ECHDC3: variants seen among roughly 807,000 people sequenced by gnomAD.
ECHDC3 encodes enoyl-CoA hydratase domain containing 3.
Under a neutral mutation model 17.9 loss-of-function variants are expected in ECHDC3, and 20 were observed. That is an observed-to-expected ratio of 1.12 (90% CI 0.79 to 1.63). ECHDC3 has a LOEUF of 1.63. ECHDC3 is among the 40% of genes most tolerant of loss of function. ECHDC3 has a pLI of 0.00. For missense variants in ECHDC3, 407 were observed against 357.7 expected, an observed-to-expected ratio of 1.14 and a Z score of -1.11; for synonymous variants, 177 against 149.7, an observed-to-expected ratio of 1.18 and a Z score of -1.33.
At chr10:11,746,637 T>C (rs1321334645) in intron 1 of ECHDC3, among the ~76,000 whole-genome samples, 4 of 151,868 alleles carry the variant, frequency 2.6e-5, no homozygotes, top group Non-Finnish European at 5.9e-5. Context: ...CCCACAAAAA[T>C]TAAATATAAA....
chr10:11,762,293 G>A (rs1009478707), intron 4 of ECHDC3, among the ~76,000 whole-genome samples: 5 of 152,204 alleles, frequency 3.3e-5, no homozygotes, highest in Non-Finnish European at 7.4e-5. Context: ...ATGAGGGCGT[G>A]TGCCAGGATG....
Position 11,755,551 on chromosome 10 carries a change from C to G in ECHDC3, c.534C>G (p.Asn178Lys). Residue 178 changes from asparagine to lysine, a missense_variant, in exon 4 of 5, where the codon AAC becomes AAG. By Grantham distance (94) the Asn-to-Lys change is moderately conservative. Coordinates refer to ENST00000379215, the MANE Select transcript of ECHDC3 (RefSeq NM_024693.5). The part of the protein sequence containing the change: ...DKSSFATPGV[N>K]VGLFCSTPGV... ...CCTCTTTTGCCACTCCTGGGGTGAA[C>G]GTCGGGCTCTTCTGTTCTACCCCTG... The G allele has an allele frequency of 6.2e-7, 1 of 1,614,068 alleles. No homozygotes were observed. The highest frequency in any genetic ancestry group is 1.1e-5 in the South Asian group (1 of 91,054).
rs767190106 is a variant in ECHDC3 at position 11,747,346 on chromosome 10, C to G, written c.171-3C>G. Reference sequence around the variant, plus strand: ...CCCTGTGATTGTAAAATGTTCTTCACAGGAACATCGTCTTGAGCAATCCCA... The same window carrying G: ...CCCTGTGATTGTAAAATGTTCTTCAGAGGAACATCGTCTTGAGCAATCCCA... On this transcript the variant is annotated splice_region_variant and splice_polypyrimidine_tract_variant and intron_variant, in intron 1 of 4. Coordinates refer to ENST00000379215, the MANE Select transcript of ECHDC3 (RefSeq NM_024693.5). 6.2e-7 allele frequency: 1 copy of G among 1,613,582 alleles called. No homozygotes were observed. Among genetic ancestry groups the G allele is most frequent in the Non-Finnish European group, 8.5e-7 (1 of 1,179,700 alleles).
At chr10:11,758,850 T>C (rs550186920) in intron 4 of ECHDC3, among the ~76,000 whole-genome samples, 3 of 152,344 alleles carry the variant, frequency 2.0e-5, no homozygotes, top group African/African-American at 7.2e-5. Context: ...GGCCTGACTC[T>C]TTCCGTAGTG....
intron 2 of ECHDC3, among the ~76,000 whole-genome samples, chr10:11,748,715 A>C (rs1011994091): frequency 6.6e-6 from 1 of 152,132 alleles, no homozygotes; most frequent in Non-Finnish European, 1.5e-5. Context: ...GCAAAACCCC[A>C]TCTCTACCAA....
At chr10:11,757,132 C>G (rs1045320233) in intron 4 of ECHDC3, among the ~76,000 whole-genome samples, 2 of 152,224 alleles carry the variant, frequency 1.3e-5, no homozygotes, top group Non-Finnish European at 2.9e-5. Context: ...AATCAACTTA[C>G]AAGGCCTTTG....
At chr10:11,756,328 G>T (rs530812446) in intron 4 of ECHDC3, among the ~76,000 whole-genome samples, 1 of 152,272 alleles carries the variant, frequency 6.6e-6, no homozygotes, top group East Asian at 1.9e-4. Flanking sequence ...TGCGGAAAAA[G>T]TGCATCCTTG....
chr10:11,755,425 G>A lies in ECHDC3; in HGVS notation c.408G>A (p.Arg136=). The change falls in exon 4 of 5, where the codon CGG becomes CGA. Residue 136 remains arginine, a synonymous_variant. Coordinates refer to ENST00000379215, the MANE Select transcript of ECHDC3 (RefSeq NM_024693.5). ...QTCSKVMMHI[R]NHPVPVIAMV... is the part of the protein sequence containing the mutation. Reference sequence around the variant, plus strand: ...TCCCGCAGGTCATGATGCACATCCGGAACCACCCCGTTCCCGTCATTGCCA... The same window carrying A: ...TCCCGCAGGTCATGATGCACATCCGAAACCACCCCGTTCCCGTCATTGCCA... 1 of 1,612,564 alleles carries A rather than the reference G, an allele frequency of 6.2e-7. No individual in the cohort carries two copies. Among genetic ancestry groups the A allele is most frequent in the Non-Finnish European group, 8.5e-7 (1 of 1,178,864 alleles).
intron 4 of ECHDC3, among the ~76,000 whole-genome samples, chr10:11,759,508 ACT>A (rs1251670567): frequency 6.6e-6 from 1 of 151,566 alleles, no homozygotes; most frequent in Non-Finnish European, 1.5e-5. Flanking sequence ...CTCACCTTGA[ACT>A]CTCCAGCCTC....
intron 3 of ECHDC3, among the ~76,000 whole-genome samples, chr10:11,750,629 G>A (rs537323900): frequency 6.6e-6 from 1 of 152,320 alleles, no homozygotes; most frequent in African/African-American, 2.4e-5. Context: ...CATTTATTGA[G>A]CACCTATTAT....
chr10:11,748,834 C>A (rs1039890035), intron 2 of ECHDC3, among the ~76,000 whole-genome samples: 14 of 152,102 alleles, frequency 9.2e-5, no homozygotes, highest in South Asian at 2.1e-4. Context: ...TGCAGTGAGC[C>A]GAGATCGTGC....
At chr10:11,746,517 T>C (rs1832762522) in intron 1 of ECHDC3, among the ~76,000 whole-genome samples, 1 of 152,216 alleles carries the variant, frequency 6.6e-6, no homozygotes, top group Admixed American at 6.5e-5. Context: ...AAAGGATAAA[T>C]GCTTGAAGGG....
At position 11,763,153 on chromosome 10, in the gene ECHDC3, C is replaced by T. The variant is rs61844892; in HGVS notation, c.592-71C>T. The T allele has an allele frequency of 0.2, 134,642 of 659,526 alleles. 15,162 individuals are homozygous for T. Among genetic ancestry groups the T allele is most frequent in the Non-Finnish European group, 0.23 (84,090 of 359,888 alleles). 40.9% of individuals were successfully genotyped at this position (659,526 alleles called of 1,614,324 possible). ...TATTTGAGGAAGCAGGTCATTGAGC[C>T]GAGGCGGGACTCAGGTGGCGGGGGC... is the stretch of plus-strand genomic sequence containing the variant. On this transcript the variant is annotated intron_variant, in intron 4 of 4. Coordinates refer to ENST00000379215, the MANE Select transcript of ECHDC3 (RefSeq NM_024693.5). This position sits in a 1 kb window ranked among gnomAD's most constrained non-coding sequence, Gnocchi z 4.9.
At chr10:11,745,486 A>G (rs781068117) in intron 1 of ECHDC3, among the ~76,000 whole-genome samples, 1 of 152,236 alleles carries the variant, frequency 6.6e-6, no homozygotes, top group Non-Finnish European at 1.5e-5. Context: ...TAATTTTTGT[A>G]CTTAGGAGAG....
chr10:11,763,587 C>T lies in ECHDC3; in HGVS notation c.*43C>T, dbSNP rs1588467187. The T allele has an allele frequency of 6.9e-7, 1 of 1,451,812 alleles. No individual in the cohort carries two copies. Among genetic ancestry groups the T allele is most frequent in the East Asian group, 2.5e-5 (1 of 40,124 alleles). 89.9% of individuals were successfully genotyped at this position (1,451,812 alleles called of 1,614,324 possible). On this transcript the variant is annotated 3_prime_UTR_variant, in exon 5 of 5. Coordinates refer to ENST00000379215, the MANE Select transcript of ECHDC3 (RefSeq NM_024693.5). The surrounding 1 kb of genome is among the most constrained non-coding windows in gnomAD (Gnocchi z 4.9). Reference sequence around the variant, plus strand: ...AGGCCCACGGGCAGCGCCCAGGAGCCCACCTTCCCCTCTGGCCCAGCCACC... The same window carrying T: ...AGGCCCACGGGCAGCGCCCAGGAGCTCACCTTCCCCTCTGGCCCAGCCACC...
intron 1 of ECHDC3, among the ~76,000 whole-genome samples, chr10:11,743,776 G>A (rs1832722782): frequency 6.6e-6 from 1 of 152,238 alleles, no homozygotes; most frequent in African/African-American, 2.4e-5. Context: ...GGTCTTTCTT[G>A]CCCATTGCTA....
rs150630386 is a variant in ECHDC3 at position 11,749,622 on chromosome 10, A to T, written c.390+30A>T. 174 of 1,603,880 alleles carry T rather than the reference A, an allele frequency of 1.1e-4. No homozygotes were observed. In the African/African-American group the frequency reaches 2.2e-3, roughly 20 times the overall value. ...GCCAAGACGACAGTCGACAGTGCAAACCTGCAAATGATCATTACATTAAAT... is the reference window on the plus strand; with the variant it reads ...GCCAAGACGACAGTCGACAGTGCAATCCTGCAAATGATCATTACATTAAAT... On this transcript the variant is annotated intron_variant, in intron 3 of 4. Transcript: ENST00000379215.
chr10:11,759,372 A>C (rs1160722334), intron 4 of ECHDC3, among the ~76,000 whole-genome samples: 2 of 48,142 alleles, frequency 4.2e-5, no homozygotes, highest in East Asian at 6.6e-4. Flanking sequence ...AAAAAAAAAC[A>C]AAAAAAAAAA....
At chr10:11,743,936 T>C (rs1284247672) in intron 1 of ECHDC3, among the ~76,000 whole-genome samples, 1 of 152,214 alleles carries the variant, frequency 6.6e-6, no homozygotes, top group Non-Finnish European at 1.5e-5. Context: ...ACATGAATGC[T>C]AGGGTTTGTT....
Sources: allele counts gnomAD v4.1 joint callset (sites outside exome capture counted in the v4.1 genomes callset), GRCh38; gene constraint gnomAD v4.1.1; non-coding constraint Gnocchi (gnomAD v3.1); transcripts MANE v1.5; gene names NCBI Gene and HGNC (gene_info 2026-07-23, HGNC 2026-07-21).